TENM2: variants seen among roughly 807,000 people sequenced by gnomAD.
The protein encoded by TENM2 is teneurin-2.
A neutral mutation model predicts 245.2 loss-of-function variants in TENM2; 52 were observed. The observed-to-expected ratio is 0.21, with a 90% CI of 0.17 to 0.27. The LOEUF is 0.27. Ranked by LOEUF, TENM2 falls within the 10% of genes least tolerant of loss-of-function variation. The pLI is 1.00. For missense variants in TENM2, 3,046 were observed against 3,666.8 expected, an observed-to-expected ratio of 0.83 and a Z score of 4.37; for synonymous variants, 1,363 against 1,438.9, an observed-to-expected ratio of 0.95 and a Z score of 1.19.
At chr5:167,794,417 A>G (rs1042454172) in intron 2 of TENM2, among the ~76,000 whole-genome samples, 3 of 152,230 alleles carry the variant, frequency 2.0e-5, no homozygotes, top group South Asian at 2.1e-4. Context: ...TTCCTCTACT[A>G]GGAAAATGTT....
intron 5 of TENM2, among the ~76,000 whole-genome samples, chr5:168,038,276 CA>C (rs1257626004): frequency 6.6e-6 from 1 of 152,206 alleles, no homozygotes; most frequent in African/African-American, 2.4e-5. Context: ...ACCATTGTTA[CA>C]AAACAACCCA....
the TENM2 span, among the ~76,000 whole-genome samples, chr5:167,184,627 T>C: frequency 6.6e-6 from 1 of 152,140 alleles, no homozygotes; most frequent in Admixed American, 6.5e-5. Context: ...CTCTTGAACA[T>C]AGCCCAGCTC....
At chr5:167,101,939 T>TA in the TENM2 span, among the ~76,000 whole-genome samples, 14,798 of 119,180 alleles carry the variant, frequency 0.12, 2,076 homozygotes, top group African/African-American at 0.33. Flanking sequence ...TATATATATA[T>TA]TTTTTTTTTT....
intron 5 of TENM2, among the ~76,000 whole-genome samples, chr5:167,997,931 T>C (rs1784175097): frequency 6.6e-6 from 1 of 152,204 alleles, no homozygotes; most frequent in Non-Finnish European, 1.5e-5. Context: ...CCACTGTCAA[T>C]GAAGCAGGTG....
chr5:168,013,461 AGGCCTGGT>A (rs1216895971), intron 5 of TENM2, among the ~76,000 whole-genome samples: 1 of 152,052 alleles, frequency 6.6e-6, no homozygotes, highest in Non-Finnish European at 1.5e-5. Context: ...AAAATTAGCC[AGGCCTGGT>A]GGCACATGCC....
At chr5:167,089,023 A>T in the TENM2 span, among the ~76,000 whole-genome samples, 772 of 152,336 alleles carry the variant, frequency 5.1e-3, 7 homozygotes, top group African/African-American at 0.017. Flanking sequence ...GATAATCACA[A>T]GCCTTCCATA....
chr5:168,108,438 A>G (rs1396876019), intron 9 of TENM2, among the ~76,000 whole-genome samples: 1 of 152,228 alleles, frequency 6.6e-6, no homozygotes, highest in Non-Finnish European at 1.5e-5. Context: ...TGGAGACAAC[A>G]GCCATATTAC....
At chr5:167,246,820 A>G in the TENM2 span, among the ~76,000 whole-genome samples, 1 of 151,792 alleles carries the variant, frequency 6.6e-6, no homozygotes, top group East Asian at 1.9e-4. Context: ...TTGGGTAGGA[A>G]TGGCCAATTG....
intron 4 of TENM2, among the ~76,000 whole-genome samples, chr5:167,974,450 A>G (rs1269148532): frequency 6.6e-6 from 1 of 151,524 alleles, no homozygotes; most frequent in African/African-American, 2.4e-5. Flanking sequence ...GAGGGAAGAA[A>G]GAAGGAAGGA....
exon 7 of TENM2, chr5:168,062,125 C>G (rs1356042878): frequency 6.2e-7 from 1 of 1,612,712 alleles, no homozygotes; most frequent in East Asian, 2.2e-5. Context: ...GCGGGTAACA[C>G]AAGAAGTCCC....
At chr5:167,480,531 T>A (rs1279553686) in intron 2 of TENM2, among the ~76,000 whole-genome samples, 5 of 152,146 alleles carry the variant, frequency 3.3e-5, no homozygotes, top group African/African-American at 1.2e-4. Flanking sequence ...CTTCTGAAAC[T>A]CTAGTGCACC....
intron 3 of TENM2, among the ~76,000 whole-genome samples, chr5:167,932,217 T>C (rs1036661774): frequency 1.3e-5 from 2 of 152,116 alleles, no homozygotes; most frequent in Admixed American, 6.5e-5. Context: ...TACAGACTAA[T>C]GGTGAGTGGA....
chr5:168,158,986 C>A (rs1261795194), intron 12 of TENM2, among the ~76,000 whole-genome samples: 21 of 146,234 alleles, frequency 1.4e-4, no homozygotes, highest in Admixed American at 4.1e-4. Flanking sequence ...TATATACACA[C>A]AAAAAAAATC....
chr5:167,456,844 T>C (rs772182810), intron 2 of TENM2, among the ~76,000 whole-genome samples: 1 of 152,242 alleles, frequency 6.6e-6, no homozygotes, highest in Non-Finnish European at 1.5e-5. Context: ...ATATTAAAAG[T>C]ATATGTTCTC....
intron 2 of TENM2, among the ~76,000 whole-genome samples, chr5:167,845,929 T>C (rs1770001391): frequency 6.6e-6 from 1 of 152,122 alleles, no homozygotes; most frequent in Admixed American, 6.5e-5. Context: ...ACAGTGACCT[T>C]TCCACTTAGC....
intron 1 of TENM2, among the ~76,000 whole-genome samples, chr5:167,288,397 A>G (rs377185296): frequency 2.0e-5 from 3 of 152,138 alleles, no homozygotes; most frequent in African/African-American, 7.2e-5. Context: ...ATCTCTACTA[A>G]AAATACAAAA....
the TENM2 span, among the ~76,000 whole-genome samples, chr5:167,023,287 G>T: frequency 6.6e-6 from 1 of 152,338 alleles, no homozygotes; most frequent in Non-Finnish European, 1.5e-5. Context: ...TGGTTAAAAT[G>T]AAATGGAGGG....
chr5:167,241,231 T>C, the TENM2 span, among the ~76,000 whole-genome samples: 1 of 152,174 alleles, frequency 6.6e-6, no homozygotes, highest in Admixed American at 6.5e-5. Flanking sequence ...AGGTATATAA[T>C]TGTATATACA....
Position 167,378,519 on chromosome 5 carries a change from G to A in TENM2, c.502+3046G>A, listed in dbSNP as rs146769986. Among the ~76,000 whole-genome samples the A allele has an allele frequency of 2.3e-3, 356 of 151,898 alleles. 5 individuals carry two copies. The highest frequency in any genetic ancestry group is 0.021 in the Admixed American group (324 of 15,238). ...CTCTCAGATTCATGTTATCTTTTCA[G>A]GTTCTTTAATCCTATCTTGAAGTCA... On this transcript the variant is annotated intron_variant, in intron 2 of 28. Transcript: ENST00000518659.
Sources: gnomAD v4.1 joint callset for allele counts (sites outside exome capture counted in the v4.1 genomes callset) on GRCh38, gnomAD v4.1.1 for gene constraint, MANE v1.5 for transcripts, NCBI Gene and HGNC (gene_info 2026-07-23, HGNC 2026-07-21) for gene names.